ITGBL1: variants seen among roughly 807,000 people sequenced by gnomAD.
ITGBL1 encodes integrin subunit beta like 1.
ITGBL1 carries 51 observed loss-of-function variants against 68.5 expected under a neutral mutation model. The ratio of observed to expected loss-of-function variants is 0.74; its 90% CI spans 0.59 to 0.94. The LOEUF (loss-of-function observed/expected upper bound fraction) is 0.94. ITGBL1 is among the 40% of genes least tolerant of loss of function. The probability of loss-of-function intolerance (pLI) is 0.00; values close to 1 mark genes in which losing one functional copy is unlikely to be tolerated. For synonymous variants in ITGBL1, 209 were observed against 227.3 expected, an observed-to-expected ratio of 0.92 and a Z score of 0.72; for missense variants, 649 against 647.4, an observed-to-expected ratio of 1.00 and a Z score of -0.03.
At chr13:101,466,874 T>A (rs1167970493) in intron 2 of ITGBL1, among the ~76,000 whole-genome samples, 4 of 152,150 alleles carry the variant, frequency 2.6e-5, no homozygotes, top group Non-Finnish European at 5.9e-5. Context: ...GCAGGGTAGA[T>A]GGTTTAGTCC....
intron 8 of ITGBL1, among the ~76,000 whole-genome samples, chr13:101,704,082 AAT>A (rs200647438): frequency 0.11 from 17,056 of 151,978 alleles, 1,384 homozygotes; most frequent in African/African-American, 0.23. Context: ...ATACTGAATA[AAT>A]GCCTGCAGTG....
At chr13:101,604,881 T>C (rs112668750) in intron 7 of ITGBL1, among the ~76,000 whole-genome samples, 3,047 of 14,174 alleles carry the variant, frequency 0.21, 236 homozygotes, top group East Asian at 0.26. Flanking sequence ...TATATATATA[T>C]ATATATACAC....
At chr13:101,482,132 T>C (rs986733850) in intron 2 of ITGBL1, among the ~76,000 whole-genome samples, 3 of 152,208 alleles carry the variant, frequency 2.0e-5, no homozygotes, top group African/African-American at 7.2e-5. Context: ...AGTTGACTTT[T>C]GAATGCGACA....
At chr13:101,462,064 G>A (rs186639306) in intron 2 of ITGBL1, among the ~76,000 whole-genome samples, 78 of 152,242 alleles carry the variant, frequency 5.1e-4, no homozygotes, top group African/African-American at 1.8e-3. Context: ...CTTGCTGGCT[G>A]TCAGTTGGGG....
chr13:101,629,570 T>G (rs752526493), intron 7 of ITGBL1, among the ~76,000 whole-genome samples: 1 of 152,164 alleles, frequency 6.6e-6, no homozygotes, highest in African/African-American at 2.4e-5. Context: ...ATGAAAGATA[T>G]AGCATTTTTT....
At chr13:101,676,695 T>C (rs1371407944) in intron 7 of ITGBL1, among the ~76,000 whole-genome samples, 1 of 152,174 alleles carries the variant, frequency 6.6e-6, no homozygotes, top group Non-Finnish European at 1.5e-5. Context: ...TACTGTTTAT[T>C]GGATTTTTGG....
rs989163647 is a variant in ITGBL1, at chr13:101,644,060, G to A, written c.1015+45761G>A. 5.3e-5 allele frequency among the ~76,000 whole-genome samples: 8 copies of A among 152,244 alleles called. No individual in the cohort carries two copies. The East Asian group carries it at 5.8e-4, about 11-fold the overall frequency. On this transcript the variant is annotated intron_variant, in intron 7 of 10. Transcript: ENST00000376180. ...CTTTGGCCCAGATCCCTGGCTGGCC[G>A]TGTCACCTCGGGGCATAGTAGCTGC...
intron 2 of ITGBL1, among the ~76,000 whole-genome samples, chr13:101,494,295 A>G (rs1387736938): frequency 6.6e-6 from 1 of 152,188 alleles, no homozygotes; most frequent in Non-Finnish European, 1.5e-5. Context: ...CAAGTTCTAG[A>G]TCACCTGCAG....
chr13:101,681,467 G>A (rs955538555), intron 7 of ITGBL1, among the ~76,000 whole-genome samples: 27 of 152,234 alleles, frequency 1.8e-4, no homozygotes, highest in African/African-American at 6.0e-4. Context: ...GATGTACTTG[G>A]TCCTGAATAA....
intron 7 of ITGBL1, among the ~76,000 whole-genome samples, chr13:101,612,437 GGT>G (rs2031177868): frequency 6.6e-6 from 1 of 152,096 alleles, no homozygotes; most frequent in Non-Finnish European, 1.5e-5. Context: ...TGTAGTGCCT[GGT>G]AAAGTCTCTC....
chr13:101,600,343 A>G (rs1218167802), intron 7 of ITGBL1, among the ~76,000 whole-genome samples: 1 of 152,180 alleles, frequency 6.6e-6, no homozygotes, highest in African/African-American at 2.4e-5. Flanking sequence ...TTGGGCTGAG[A>G]CAATGGGGTT....
chr13:101,512,163 A>G lies in ITGBL1; in HGVS notation c.317-55536A>G, dbSNP rs377026355. Reference sequence around the variant, plus strand: ...ATTTTACTTCCAAGCTCAGATGGATATCCCTCTTCCACTTGCCTTTGTGTT... The same window carrying G: ...ATTTTACTTCCAAGCTCAGATGGATGTCCCTCTTCCACTTGCCTTTGTGTT... On this transcript the variant is annotated intron_variant, in intron 2 of 10. Transcript: ENST00000376180. 2.2e-4 allele frequency among the ~76,000 whole-genome samples: 34 copies of G among 152,228 alleles called. No individual in the cohort carries two copies. In the South Asian group the frequency reaches 6.8e-3, roughly 31 times the overall value.
chr13:101,617,372 G>C (rs1225454964), intron 7 of ITGBL1, among the ~76,000 whole-genome samples: 2 of 151,954 alleles, frequency 1.3e-5, no homozygotes, highest in African/African-American at 4.8e-5. Context: ...GCAGAGAAAA[G>C]AATTCCTCTC....
At chr13:101,563,265 C>T (rs1378606196) in intron 2 of ITGBL1, among the ~76,000 whole-genome samples, 1 of 148,392 alleles carries the variant, frequency 6.7e-6, no homozygotes, top group East Asian at 2.0e-4. Flanking sequence ...TAATTAAATC[C>T]AAAAACAGGA....
chr13:101,478,956 G>C (rs1308425738), intron 2 of ITGBL1, among the ~76,000 whole-genome samples: 2 of 151,802 alleles, frequency 1.3e-5, no homozygotes, highest in Non-Finnish European at 2.9e-5. Flanking sequence ...AATAGAAAAA[G>C]TAATCTTAAA....
chr13:101,498,293 A>G (rs4772390), intron 2 of ITGBL1, among the ~76,000 whole-genome samples: 7,381 of 152,236 alleles, frequency 0.048, 292 homozygotes, highest in East Asian at 0.2. Flanking sequence ...TCCCTTGCAG[A>G]TGTGAACAAG....
At chr13:101,621,648 A>G (rs2031588416) in intron 7 of ITGBL1, among the ~76,000 whole-genome samples, 1 of 152,164 alleles carries the variant, frequency 6.6e-6, no homozygotes, top group African/African-American at 2.4e-5. Flanking sequence ...TCTCTTCTGA[A>G]GACTTTGGAG....
chr13:101,626,947 T>C (rs950572907), intron 7 of ITGBL1, among the ~76,000 whole-genome samples: 4 of 152,188 alleles, frequency 2.6e-5, no homozygotes, highest in African/African-American at 9.7e-5. Flanking sequence ...AGCCCTGGAC[T>C]AGGAGGCAGA....
intron 2 of ITGBL1, among the ~76,000 whole-genome samples, chr13:101,562,904 A>G (rs2050123308): frequency 6.6e-6 from 1 of 151,826 alleles, no homozygotes; most frequent in Non-Finnish European, 1.5e-5. Context: ...GGGTCATAAT[A>G]GAAGCCTTCA....
Sources: gnomAD v4.1 joint callset for allele counts (sites outside exome capture counted in the v4.1 genomes callset) on GRCh38, gnomAD v4.1.1 for gene constraint, MANE v1.5 for transcripts, NCBI Gene and HGNC (gene_info 2026-07-23, HGNC 2026-07-21) for gene names.